Variants in CTNNA2 observed in about 807,000 individuals in gnomAD.
CTNNA2 encodes catenin alpha 2.
A neutral mutation model predicts 101.0 loss-of-function variants in CTNNA2; 42 were observed. That is an observed-to-expected ratio of 0.42 (90% CI 0.32 to 0.54). The LOEUF (loss-of-function observed/expected upper bound fraction) is 0.54. Ranked by LOEUF, CTNNA2 falls within the 20% of genes least tolerant of loss-of-function variation. The pLI is 0.14. For missense variants in CTNNA2, 871 were observed against 1,223.1 expected (o/e 0.71, Z 4.29); for synonymous variants, 450 against 456.4 (o/e 0.99, Z 0.18).
intron 6 of CTNNA2, among the ~76,000 whole-genome samples, chr2:79,877,965 C>G (rs1294783414): frequency 6.6e-6 from 1 of 152,072 alleles, no homozygotes; most frequent in Non-Finnish European, 1.5e-5. Flanking sequence ...GTTCCCTTCC[C>G]TTGCCCCCAC....
intron 7 of CTNNA2, among the ~76,000 whole-genome samples, chr2:80,042,290 C>T (rs1198606093): frequency 6.6e-6 from 1 of 151,966 alleles, no homozygotes; most frequent in African/African-American, 2.4e-5. Context: ...TTGTTTTGTT[C>T]TGTTTTTGTT....
intron 4 of CTNNA2, among the ~76,000 whole-genome samples, chr2:79,457,164 T>G (rs1225680662): frequency 6.8e-6 from 1 of 146,038 alleles, no homozygotes; most frequent in Admixed American, 6.9e-5. Flanking sequence ...ATTGCACCAC[T>G]GCACTCCAGC....
intron 1 of CTNNA2, among the ~76,000 whole-genome samples, chr2:79,557,149 T>G (rs1208781106): frequency 9.9e-5 from 15 of 152,034 alleles, no homozygotes; most frequent in Admixed American, 9.8e-4. Context: ...AATAGGTCAG[T>G]TTTTTGTTTA....
chr2:79,547,572 T>C (rs1460198069), intron 1 of CTNNA2: 1 of 152,222 alleles, frequency 6.6e-6, no homozygotes, highest in African/African-American at 2.4e-5. Flanking sequence ...CATCCTATTG[T>C]GAATTATCTG....
At chr2:80,484,344 A>G (rs557898862) in intron 9 of CTNNA2, among the ~76,000 whole-genome samples, 1 of 152,306 alleles carries the variant, frequency 6.6e-6, no homozygotes, top group Admixed American at 6.5e-5. Flanking sequence ...TACCCGATAC[A>G]TAGTGTGTGT....
intron 1 of CTNNA2, among the ~76,000 whole-genome samples, chr2:79,615,554 G>C (rs1203132255): frequency 6.6e-6 from 1 of 152,178 alleles, no homozygotes; most frequent in Admixed American, 6.5e-5. Context: ...GTGTGAAAGA[G>C]TATATTCCTG....
intron 2 of CTNNA2, among the ~76,000 whole-genome samples, chr2:79,309,883 T>C (rs185380308): frequency 1.3e-5 from 2 of 152,300 alleles, no homozygotes; most frequent in African/African-American, 4.8e-5. Context: ...TTGCTTCAGT[T>C]CTCTTCTGTC....
chr2:79,578,943 C>T (rs552424701), intron 1 of CTNNA2, among the ~76,000 whole-genome samples: 18 of 152,170 alleles, frequency 1.2e-4, no homozygotes, highest in African/African-American at 4.3e-4. Flanking sequence ...TTATTTTAGT[C>T]TACTTACATC....
At chr2:80,162,876 A>G (rs1704417891) in intron 7 of CTNNA2, 2 of 1,593,908 alleles carry the variant, frequency 1.3e-6, no homozygotes, top group Middle Eastern at 1.7e-4. Flanking sequence ...TGATGAAGTC[A>G]TGTTATCCCT....
intron 7 of CTNNA2, among the ~76,000 whole-genome samples, chr2:80,008,012 C>G (rs1282815475): frequency 6.6e-6 from 1 of 152,182 alleles, no homozygotes; most frequent in Non-Finnish European, 1.5e-5. Context: ...CTTGAAAATG[C>G]TTTATGAACT....
chr2:79,357,005 G>C (rs182317607), intron 3 of CTNNA2, among the ~76,000 whole-genome samples: 1 of 152,214 alleles, frequency 6.6e-6, no homozygotes, highest in East Asian at 1.9e-4. Context: ...GGAAATTTTA[G>C]AACTGAAGAA....
At chr2:79,703,584 A>G (rs967486112) in intron 2 of CTNNA2, among the ~76,000 whole-genome samples, 2 of 152,312 alleles carry the variant, frequency 1.3e-5, no homozygotes, top group East Asian at 1.9e-4. Context: ...ATTTTTATCT[A>G]CTGCCTTCCA....
At chr2:80,603,966 C>T in intron 15 of CTNNA2, 108 bp from the exon 16 acceptor site, 2 of 806,882 alleles carry the variant, frequency 2.5e-6, no homozygotes, top group Middle Eastern at 5.3e-4. Context: ...CTAATGTGGC[C>T]AGTGCCAAAT....
chr2:80,092,623 C>G (rs1174860581), intron 7 of CTNNA2, among the ~76,000 whole-genome samples: 1 of 152,120 alleles, frequency 6.6e-6, no homozygotes, highest in Non-Finnish European at 1.5e-5. Context: ...GACTGCCCAT[C>G]CCACCCTGCT....
chr2:79,557,602 T>C (rs549861204), intron 1 of CTNNA2, among the ~76,000 whole-genome samples: 3 of 152,066 alleles, frequency 2.0e-5, no homozygotes, highest in Admixed American at 1.3e-4. Context: ...TTTTAGGGGA[T>C]GTACTAAACC....
intron 4 of CTNNA2, among the ~76,000 whole-genome samples, chr2:79,479,563 G>A (rs1179444649): frequency 1.3e-5 from 2 of 152,132 alleles, no homozygotes; most frequent in Non-Finnish European, 1.5e-5. Context: ...GACAATGCTG[G>A]GTTATCATCA....
chr2:79,766,892 A>G (rs1673203670), intron 3 of CTNNA2, among the ~76,000 whole-genome samples: 1 of 151,868 alleles, frequency 6.6e-6, no homozygotes, highest in Admixed American at 6.6e-5. Flanking sequence ...AGTAGCTGGG[A>G]TTATAGACAC....
intron 7 of CTNNA2, among the ~76,000 whole-genome samples, chr2:80,239,898 G>A (rs1709752820): frequency 6.7e-6 from 1 of 149,182 alleles, no homozygotes; most frequent in Non-Finnish European, 1.5e-5. Context: ...GGCAACAAGA[G>A]CAAGACTCCA....
rs536329374 is a variant in CTNNA2 at position 80,068,263 on chromosome 2, G to A, written c.1056+158466G>A. Among the ~76,000 whole-genome samples the A allele has an allele frequency of 3.3e-5, 5 of 152,262 alleles. No individual in the cohort carries two copies. The East Asian group carries it at 5.8e-4, about 18-fold the overall frequency. On this transcript the variant is annotated intron_variant, in intron 7 of 18. Coordinates refer to ENST00000402739, the MANE Select transcript of CTNNA2 (RefSeq NM_001282597.3). Reference sequence around the variant, plus strand: ...ACAGTACTGGAGGCCAGTGTTTTTGGAAGAGGACCAGCAGAATGGAGTGCA... The same window carrying A: ...ACAGTACTGGAGGCCAGTGTTTTTGAAAGAGGACCAGCAGAATGGAGTGCA...
Sources: gnomAD v4.1 joint callset for allele counts (sites outside exome capture counted in the v4.1 genomes callset) on GRCh38, gnomAD v4.1.1 for gene constraint, MANE v1.5 for transcripts, NCBI Gene and HGNC (gene_info 2026-07-23, HGNC 2026-07-21) for gene names.